The following COL8A2 variants were observed in gnomAD, a reference collection of about 807,000 sequenced individuals.
COL8A2 encodes the protein collagen type VIII alpha 2 chain.
A neutral mutation model predicts 24.0 loss-of-function variants in COL8A2; 16 were observed. That is an observed-to-expected ratio of 0.67 (90% CI 0.45 to 1.01). The LOEUF (loss-of-function observed/expected upper bound fraction) is 1.01. Among genes scored for constraint, COL8A2 ranks in the 50% least tolerant of loss-of-function variants. The pLI, the probability that COL8A2 is intolerant of heterozygous loss-of-function variation, is 0.00. For synonymous variants in COL8A2, 466 were observed against 424.5 expected (o/e 1.10, Z -1.20); for missense variants, 818 against 942.4 (o/e 0.87, Z 1.73).
Position 36,115,758 on chromosome 1 carries a change from G to A in COL8A2, c.-61-6C>T, listed in dbSNP as rs895236928. The A allele has an allele frequency of 1.0e-6, 1 of 985,364 alleles. No individual in the cohort carries two copies. 61.0% of individuals were successfully genotyped at this position (985,364 alleles called of 1,614,324 possible). ...GGTTCCAGCAGAGGCAGGGCCTGAG[G>A]ATGAACAAGAGAAACAGTGAGGCTA... On this transcript the variant is annotated splice_region_variant and splice_polypyrimidine_tract_variant and intron_variant, in intron 1 of 3. Coordinates refer to ENST00000397799, the MANE Select transcript of COL8A2 (RefSeq NM_005202.4). The surrounding 1 kb of genome is among the most constrained non-coding windows in gnomAD (Gnocchi z 5.7).
rs113904603 is a variant in COL8A2 at position 36,104,120 on chromosome 1, G to A, written c.-16-3862C>T. On this transcript the variant is annotated intron_variant, in intron 2 of 3. Transcript: ENST00000397799. ...GCGGCAGGAGAATTGCTTGAACCTG[G>A]GAGGCGGAGCTCACAGTGAGCCGAG... 9.5e-3 allele frequency among the ~76,000 whole-genome samples: 1,439 copies of A among 151,516 alleles called. 33 individuals are homozygous for A. The highest frequency in any genetic ancestry group is 0.033 in the African/African-American group (1,346 of 41,264).
Position 36,115,625 on chromosome 1 carries a change from G to T in COL8A2, c.-17+83C>A. The T allele has an allele frequency of 1.3e-6, 1 of 798,660 alleles. No homozygotes were observed. Among genetic ancestry groups the T allele is most frequent in the Non-Finnish European group, 1.5e-6 (1 of 659,358 alleles). The allele number at this position is 798,660 out of a possible 1,614,324, so 49.5% of individuals were successfully genotyped here. A position where few individuals can be genotyped will look rare whatever the true frequency, so the allele number is the denominator to read the frequency against. On this transcript the variant is annotated intron_variant, in intron 2 of 3. Transcript: ENST00000397799. The surrounding 1 kb of genome is among the most constrained non-coding windows in gnomAD (Gnocchi z 5.7). ...CTGGGAGGGGCTTCCGGTGCAGCAG[G>T]AGGGAGTGAGGTTAGACAGCAATGA...
In COL8A2 at chr1:36,099,141, C is replaced by G. The variant is rs1324503642; in HGVS notation, c.540G>C (p.Val180=). 6.7e-7 allele frequency: 1 copy of G among 1,502,852 alleles called. No homozygotes were observed. The highest frequency in any genetic ancestry group is 8.9e-7 in the Non-Finnish European group (1 of 1,127,880). 93.1% of individuals were successfully genotyped at this position (1,502,852 alleles called of 1,614,324 possible). Residue 180 remains valine (V), a synonymous_variant, in exon 4 of 4, where the codon GTG becomes GTC. Transcript: ENST00000397799. The stretch of plus-strand genomic sequence containing the variant: ...CCCCCTGGAATCCTGGGGGCCCTGG[C>G]ACCCCTTGGGCACCTGGTTTTCCAG... ...TIPGKPGAQG[V]PGPPGFQGEP...
At chr1:36,113,008 G>A (rs1212107415) in intron 2 of COL8A2, among the ~76,000 whole-genome samples, 1 of 152,186 alleles carries the variant, frequency 6.6e-6, no homozygotes. Flanking sequence ...TGGAGGAGGA[G>A]GCATGCTTTA....
rs1487162707 is a variant in COL8A2, at chr1:36,098,136, A to G, written c.1545T>C (p.Pro515=). 2 of 1,480,454 alleles carry G rather than the reference A, an allele frequency of 1.4e-6. No individual in the cohort carries two copies. Among genetic ancestry groups the G allele is most frequent in the Non-Finnish European group, 1.8e-6 (2 of 1,123,550 alleles). The allele number at this position is 1,480,454 out of a possible 1,614,324, so 91.7% of individuals were successfully genotyped here. The change falls in exon 4 of 4, where the codon CCT becomes CCC. Residue 515 remains proline, a synonymous_variant. Coordinates refer to ENST00000397799, the MANE Select transcript of COL8A2 (RefSeq NM_005202.4). ...PTGPPGVPGS[P]GITGPPGPPG... ...GAGGCCCCGGAGGGCCCGTGATTCC[A>G]GGGGAGCCAGGGACCCCTGGGGGCC...
chr1:36,100,172 G>T lies in COL8A2; in HGVS notation c.71C>A (p.Pro24Gln). Residue 24 changes from proline (P) to glutamine (Q), a missense_variant, in exon 3 of 4, where the codon CCG becomes CAG. Physicochemically the swap from Pro to Gln is moderately conservative, Grantham distance 76. Transcript: ENST00000397799. Reference sequence around the variant, plus strand: ...GGCCCCGCCACCAGAGGACGCCCGCGGCCCACACCCCAGCACCAGCACCAG... The same window carrying T: ...GGCCCCGCCACCAGAGGACGCCCGCTGCCCACACCCCAGCACCAGCACCAG... ...LLLVLVLGCG[P>Q]RASSGGGAGG... is the part of the protein sequence containing the mutation. 1 of 1,610,378 alleles carries T rather than the reference G, an allele frequency of 6.2e-7. No individual in the cohort carries two copies. Among genetic ancestry groups the T allele is most frequent in the Non-Finnish European group, 8.5e-7 (1 of 1,178,728 alleles).
chr1:36,102,533 G>A (rs899982687), intron 2 of COL8A2, among the ~76,000 whole-genome samples: 1 of 151,882 alleles, frequency 6.6e-6, no homozygotes, highest in African/African-American at 2.4e-5. Flanking sequence ...AACTCTTTTA[G>A]GGAAGATGAA....
intron 2 of COL8A2, among the ~76,000 whole-genome samples, chr1:36,101,855 C>A (rs948051799): frequency 2.0e-5 from 3 of 150,828 alleles, no homozygotes; most frequent in African/African-American, 7.3e-5. Context: ...CCAGCCTGGG[C>A]AACATAGCAA....
chr1:36,101,100 G>T (rs1053462955), intron 2 of COL8A2, among the ~76,000 whole-genome samples: 2 of 151,904 alleles, frequency 1.3e-5, no homozygotes, highest in African/African-American at 4.8e-5. Flanking sequence ...CGCCATGTTG[G>T]CCAGGCTGGT....
At chr1:36,109,929 C>CTT (rs35479902) in intron 2 of COL8A2, among the ~76,000 whole-genome samples, 1 of 92,030 alleles carries the variant, frequency 1.1e-5, no homozygotes, top group African/African-American at 4.2e-5. Flanking sequence ...CCTTTACTTC[C>CTT]TTTTTTTTTT....
chr1:36,110,743 C>T (rs1279445863), intron 2 of COL8A2, among the ~76,000 whole-genome samples: 1 of 152,192 alleles, frequency 6.6e-6, no homozygotes, highest in South Asian at 2.1e-4. Context: ...CCACCTGCCT[C>T]GGCCTCCCAA....
intron 2 of COL8A2, 80 bp from the exon 3 acceptor site, chr1:36,100,338 AT>A: frequency 8.3e-7 from 1 of 1,210,724 alleles, no homozygotes; most frequent in Non-Finnish European, 1.2e-6. Flanking sequence ...AAAGATCAGA[AT>A]TTAGAGATTA....
chr1:36,104,869 A>G (rs1643733156), intron 2 of COL8A2, among the ~76,000 whole-genome samples: 2 of 152,182 alleles, frequency 1.3e-5, no homozygotes, highest in Non-Finnish European at 2.9e-5. Context: ...GGCTGCTGTG[A>G]TAAGTGGAGA....
rs751018601 is a variant in COL8A2, at chr1:36,098,394, C to T, written c.1287G>A (p.Pro429=). ...PPGPTGPKGE[P]GFTGRPGGPG... is the part of the protein sequence containing the mutation. ...GTCCTCCAGGGCGACCCGTGAAACC[C>T]GGCTCACCCTTGGGCCCAGTTGGTC... The change falls in exon 4 of 4, where the codon CCG becomes CCA. Residue 429 remains proline (P), a synonymous_variant. Transcript: ENST00000397799. 2.2e-5 allele frequency: 35 copies of T among 1,576,762 alleles called. No individual in the cohort carries two copies. The highest frequency in any genetic ancestry group is 4.1e-5 in the African/African-American group (3 of 73,756).
At position 36,112,429 on chromosome 1, in the gene COL8A2, T is replaced by G. The variant is rs530793333; in HGVS notation, c.-17+3279A>C. 1.1e-4 allele frequency among the ~76,000 whole-genome samples: 16 copies of G among 152,312 alleles called. 1 individual carries two copies. The highest frequency in any genetic ancestry group is 6.5e-4 in the Admixed American group (10 of 15,284). Reference sequence around the variant, plus strand: ...TCATCACCTTTCTTGGGTGCCTTTGTACAGTAGCCAACCTGCACAACTGTA... The same window carrying G: ...TCATCACCTTTCTTGGGTGCCTTTGGACAGTAGCCAACCTGCACAACTGTA... On this transcript the variant is annotated intron_variant, in intron 2 of 3. Transcript: ENST00000397799.
intron 2 of COL8A2, among the ~76,000 whole-genome samples, chr1:36,103,324 A>G (rs1643706349): frequency 6.6e-6 from 1 of 151,842 alleles, no homozygotes; most frequent in South Asian, 2.1e-4. Flanking sequence ...CCAGGCTGGA[A>G]TGCAGTGGTG....
chr1:36,107,034 T>C (rs1444697257), intron 2 of COL8A2, among the ~76,000 whole-genome samples: 1 of 151,954 alleles, frequency 6.6e-6, no homozygotes, highest in Non-Finnish European at 1.5e-5. Context: ...CGTGACTTAA[T>C]TCTGACAGCG....
At chr1:36,106,962 G>C (rs1643770733) in intron 2 of COL8A2, among the ~76,000 whole-genome samples, 1 of 152,238 alleles carries the variant, frequency 6.6e-6, no homozygotes, top group African/African-American at 2.4e-5. Context: ...AGGAGGGTCT[G>C]AGTGAGGACT....
chr1:36,109,483 G>C (rs1411979577), intron 2 of COL8A2, among the ~76,000 whole-genome samples: 1 of 152,164 alleles, frequency 6.6e-6, no homozygotes, highest in Non-Finnish European at 1.5e-5. Context: ...CTTACCAGCT[G>C]GGTGATCTTG....
Sources: gnomAD v4.1 joint callset for allele counts (sites outside exome capture counted in the v4.1 genomes callset) on GRCh38, gnomAD v4.1.1 for gene constraint, Gnocchi (gnomAD v3.1) non-coding constraint, MANE v1.5 for transcripts, NCBI Gene and HGNC (gene_info 2026-07-23, HGNC 2026-07-21) for gene names.